Variants in CNGB3 observed in about 807,000 individuals in gnomAD.
CNGB3 encodes cyclic nucleotide gated channel subunit beta 3.
A neutral mutation model predicts 92.8 loss-of-function variants in CNGB3; 86 were observed. The observed-to-expected ratio is 0.93, with a 90% CI of 0.78 to 1.11. The LOEUF is 1.11. CNGB3 is among the 50% of genes least tolerant of loss of function. The probability of loss-of-function intolerance (pLI) is 0.00; values close to 1 mark genes in which losing one functional copy is unlikely to be tolerated. For missense variants in CNGB3, 1,026 were observed against 956.8 expected, an observed-to-expected ratio of 1.07 and a Z score of -0.95; for synonymous variants, 333 against 332.7, an observed-to-expected ratio of 1.00 and a Z score of -0.01.
chr8:86,595,354 T>C (rs1822148211), intron 15 of CNGB3, among the ~76,000 whole-genome samples: 1 of 152,232 alleles, frequency 6.6e-6, no homozygotes. Context: ...GCAAAAAGCC[T>C]TGATTTAGCA....
chr8:86,649,003 C>A (rs961617081), intron 7 of CNGB3, among the ~76,000 whole-genome samples: 2 of 151,300 alleles, frequency 1.3e-5, no homozygotes, highest in East Asian at 1.9e-4. Context: ...TGCTATACAC[C>A]AATACACATA....
At chr8:86,721,793 A>C (rs1010026466) in intron 3 of CNGB3, among the ~76,000 whole-genome samples, 2 of 152,170 alleles carry the variant, frequency 1.3e-5, no homozygotes, top group Non-Finnish European at 2.9e-5. Flanking sequence ...TTGATAGCTG[A>C]CATTCCTTTT....
intron 15 of CNGB3, among the ~76,000 whole-genome samples, chr8:86,581,668 A>T (rs559818061): frequency 6.6e-6 from 1 of 152,172 alleles, no homozygotes; most frequent in African/African-American, 2.4e-5. Flanking sequence ...ATGTCACAGC[A>T]TTGGGAAATA....
At chr8:86,721,673 T>C (rs1824972757) in intron 3 of CNGB3, among the ~76,000 whole-genome samples, 1 of 152,220 alleles carries the variant, frequency 6.6e-6, no homozygotes, top group African/African-American at 2.4e-5. Flanking sequence ...AATAGTGCAT[T>C]ATTTTTATTA....
Position 86,574,519 on chromosome 8 carries a change from T to C in CNGB3, c.*1285A>G, listed in dbSNP as rs1585939972. 1 of 152,234 alleles carries C rather than the reference T, an allele frequency of 6.6e-6. No individual in the cohort carries two copies. The highest frequency in any genetic ancestry group is 2.4e-5 in the African/African-American group (1 of 41,462). The allele number at this position is 152,234 out of a possible 1,614,324, so 9.4% of individuals were successfully genotyped here. A position where few individuals can be genotyped will look rare whatever the true frequency, so the allele number is the denominator to read the frequency against. ...GGTGACTCTATCAAATGATGCAGTT[T>C]ATTATAGTGATTGATTTGTACATGG... On this transcript the variant is annotated 3_prime_UTR_variant, in exon 18 of 18. Transcript: ENST00000320005.
At chr8:86,700,342 T>G (rs1378301637) in intron 3 of CNGB3, among the ~76,000 whole-genome samples, 3 of 152,186 alleles carry the variant, frequency 2.0e-5, no homozygotes, top group Non-Finnish European at 4.4e-5. Context: ...TAAGAACCAT[T>G]CAATTAAACG....
At chr8:86,739,794 T>G in intron 1 of CNGB3, 58 bp from the exon 2 acceptor site, 1 of 1,578,242 alleles carries the variant, frequency 6.3e-7, no homozygotes. Context: ...TGAAGTTGAA[T>G]GTAAAACATA....
intron 1 of CNGB3, among the ~76,000 whole-genome samples, chr8:86,740,501 CA>C (rs1489181299): frequency 6.6e-6 from 1 of 152,046 alleles, no homozygotes; most frequent in Non-Finnish European, 1.5e-5. Flanking sequence ...ATATTCCAGG[CA>C]GATGATGCAG....
chr8:86,697,062 A>G (rs1452043982), intron 3 of CNGB3, among the ~76,000 whole-genome samples: 1 of 28,314 alleles, frequency 3.5e-5, no homozygotes, highest in Non-Finnish European at 6.1e-5. Flanking sequence ...AAGAAGGAAG[A>G]GAAGACCACA....
At position 86,632,756 on chromosome 8, in the gene CNGB3, C is replaced by A; in HGVS notation, c.1316G>T (p.Gly439Val). 2 of 1,613,040 alleles carry A rather than the reference C, an allele frequency of 1.2e-6. 1 individual carries two copies. The highest frequency in any genetic ancestry group is 2.2e-5 in the South Asian group (2 of 91,024). The change falls in exon 11 of 18, where the codon GGT becomes GTT. Residue 439 changes from glycine (G) to valine (V), a missense_variant. Gly to Val is a moderately radical substitution (Grantham distance 109). Coordinates refer to ENST00000320005, the MANE Select transcript of CNGB3 (RefSeq NM_019098.5). ...AGTGATTCATACTCAGCTTACCTGA[C>A]CAATTAAACTGGAGAACACAAAAAC... ...SGVFVFSSLIGQMRDVIGAAT... is the reference protein window; with the variant it reads ...SGVFVFSSLIVQMRDVIGAAT...
At chr8:86,613,889 A>G (rs1822565259) in intron 13 of CNGB3, among the ~76,000 whole-genome samples, 1 of 147,924 alleles carries the variant, frequency 6.8e-6, no homozygotes, top group Non-Finnish European at 1.5e-5. Flanking sequence ...TATATAATAT[A>G]AAAATTATAT....
chr8:86,593,065 C>G (rs912534693), intron 15 of CNGB3, among the ~76,000 whole-genome samples: 1 of 150,792 alleles, frequency 6.6e-6, no homozygotes, highest in African/African-American at 2.5e-5. Context: ...CACATGTTAG[C>G]CTAGATTTTT....
chr8:86,644,581 G>A, intron 9 of CNGB3, 41 bp downstream of exon 9: 1 of 1,593,454 alleles, frequency 6.3e-7, no homozygotes, highest in Non-Finnish European at 8.6e-7. Flanking sequence ...TTGTACCATT[G>A]CTTTTTCCCC....
intron 15 of CNGB3, chr8:86,593,837 G>T: frequency 2.0e-6 from 2 of 977,120 alleles, no homozygotes; most frequent in Non-Finnish European, 3.2e-6. Context: ...AGGGAAGTTG[G>T]TCAAATTGAA....
intron 3 of CNGB3, among the ~76,000 whole-genome samples, chr8:86,700,631 TGAA>T (rs745929725): frequency 2.0e-5 from 3 of 152,042 alleles, no homozygotes; most frequent in Non-Finnish European, 4.4e-5. Context: ...TAGACCAAGG[TGAA>T]GAAGTTTTAT....
At chr8:86,594,358 G>A (rs1321782717) in intron 15 of CNGB3, 4 of 317,026 alleles carry the variant, frequency 1.3e-5, no homozygotes, top group Admixed American at 4.0e-5. Context: ...GCAGGTCCAC[G>A]GCCTCCATGA....
chr8:86,661,807 G>A, intron 6 of CNGB3: 1 of 1,567,764 alleles, frequency 6.4e-7, no homozygotes, highest in South Asian at 1.1e-5. Context: ...CACTTCAATT[G>A]CTGACGAAGG....
rs1823848358 is a variant in CNGB3, at chr8:86,670,977, C to A, written c.460G>T (p.Asp154Tyr). The A allele has an allele frequency of 6.2e-7, 1 of 1,612,698 alleles. No homozygotes were observed. ...GGGCTGGCTTCGGGTGAGGAGAGAT[C>A]TCCCTCTACCAACTTTTTCTTGTAG... is the stretch of plus-strand genomic sequence containing the variant. Reference protein sequence around the residue: ...ALYKKKLVEGDLSSPEASPQT... With the variant: ...ALYKKKLVEGYLSSPEASPQT... Residue 154 changes from aspartate to tyrosine, a missense_variant, in exon 4 of 18, where the codon GAT becomes TAT. By Grantham distance (160) the Asp-to-Tyr change is radical. Coordinates refer to ENST00000320005, the MANE Select transcript of CNGB3 (RefSeq NM_019098.5).
chr8:86,658,848 A>C, intron 6 of CNGB3: 1 of 640,508 alleles, frequency 1.6e-6, no homozygotes, highest in South Asian at 1.8e-5. Context: ...GTCATTCTGC[A>C]TGGTCTCCAG....
Sources: allele counts gnomAD v4.1 joint callset (sites outside exome capture counted in the v4.1 genomes callset), GRCh38; gene constraint gnomAD v4.1.1; transcripts MANE v1.5; gene names NCBI Gene and HGNC (gene_info 2026-07-23, HGNC 2026-07-21).